Variants in HMGB1 observed in about 807,000 individuals in gnomAD.
HMGB1 encodes the protein high mobility group box 1, also known as high mobility group protein B1.
For missense variants in HMGB1, 79 were observed against 253.5 expected (o/e 0.31, Z 4.67); for synonymous variants, 81 against 84.0 (o/e 0.96, Z 0.19).
At chr13:30,535,023 G>A (rs1276066370) in intron 1 of HMGB1, among the ~76,000 whole-genome samples, 1 of 152,196 alleles carries the variant, frequency 6.6e-6, no homozygotes, top group Non-Finnish European at 1.5e-5. Flanking sequence ...GATGCTAAGA[G>A]GCAAGAGATG....
intron 1 of HMGB1, among the ~76,000 whole-genome samples, chr13:30,530,043 TA>T (rs1242467198): frequency 6.6e-6 from 1 of 152,174 alleles, no homozygotes; most frequent in East Asian, 1.9e-4. Context: ...TTATTTCACA[TA>T]CTGAATTACC....
At chr13:30,504,078 A>G (rs528101906) in intron 1 of HMGB1, among the ~76,000 whole-genome samples, 1 of 152,116 alleles carries the variant, frequency 6.6e-6, no homozygotes, top group South Asian at 2.1e-4. Flanking sequence ...TTTGAGATAC[A>G]AGGTGGGAGA....
intron 1 of HMGB1, chr13:30,464,630 G>C (rs1405120867): frequency 2.0e-6 from 2 of 983,892 alleles, no homozygotes; most frequent in African/African-American, 3.5e-5. Flanking sequence ...GAGAAGCCCC[G>C]CTCGAAATGG....
chr13:30,586,337 T>C (rs1018031946), intron 1 of HMGB1, among the ~76,000 whole-genome samples: 6 of 152,206 alleles, frequency 3.9e-5, no homozygotes, highest in Non-Finnish European at 8.8e-5. Flanking sequence ...CTTCTCCTTA[T>C]CTGACCTCTA....
rs756389867 is a variant in HMGB1 at position 30,524,337 on chromosome 13, TAA to T, written c.-14-60645_-14-60644del. Among the ~76,000 whole-genome samples the T allele has an allele frequency of 8.1e-3, 383 of 47,406 alleles. 3 individuals carry two copies. The highest frequency in any genetic ancestry group is 0.017 in the South Asian group (32 of 1,928). The allele number at this position is 47,406 out of a possible 152,430, so 31.1% of individuals were successfully genotyped here. ...ATGTATCCCAGAGCTTAAAGTATAT[TAA>T]AAAAAAAAAAAAAAAAAAGAAAAAA... On this transcript the variant is annotated intron_variant, in intron 1 of 4. Transcript: ENST00000405805.
intron 1 of HMGB1, among the ~76,000 whole-genome samples, chr13:30,527,695 T>C (rs1322890054): frequency 6.6e-6 from 1 of 152,150 alleles, no homozygotes; most frequent in East Asian, 1.9e-4. Context: ...CCCAGCCCTA[T>C]GCTGTGCTGA....
At chr13:30,465,525 A>G (rs1886730490) in intron 1 of HMGB1, among the ~76,000 whole-genome samples, 1 of 149,810 alleles carries the variant, frequency 6.7e-6, no homozygotes, top group South Asian at 2.1e-4. Flanking sequence ...TTTTTGCGCC[A>G]GTCAGCGCGG....
rs1217755175 is a variant in HMGB1, at chr13:30,539,101, T to C, written c.-14-75407A>G. The stretch of plus-strand genomic sequence containing the variant: ...TAGTAGAGATGCGGTTTCACCATGT[T>C]GGCCTGGATGGTCTCCAATTCCTGA... On this transcript the variant is annotated intron_variant, in intron 1 of 4. Coordinates refer to the HMGB1 transcript ENST00000405805. Among the ~76,000 whole-genome samples the C allele has an allele frequency of 2.0e-5, 3 of 152,162 alleles. No homozygotes were observed. In the South Asian group the frequency reaches 6.2e-4, roughly 32 times the overall value.
At chr13:30,507,734 T>C (rs997518419) in intron 1 of HMGB1, among the ~76,000 whole-genome samples, 3 of 152,126 alleles carry the variant, frequency 2.0e-5, no homozygotes, top group Non-Finnish European at 4.4e-5. Context: ...AGAGCCAGAG[T>C]TGGAATCCCA....
At chr13:30,581,785 C>T (rs1368144450) in intron 1 of HMGB1, among the ~76,000 whole-genome samples, 1 of 152,144 alleles carries the variant, frequency 6.6e-6, no homozygotes, top group Non-Finnish European at 1.5e-5. Context: ...AGTTTTGAGT[C>T]CATTTCCCCT....
At chr13:30,520,120 GA>G (rs1888203615) in intron 1 of HMGB1, among the ~76,000 whole-genome samples, 3 of 152,140 alleles carry the variant, frequency 2.0e-5, no homozygotes, top group Non-Finnish European at 4.4e-5. Flanking sequence ...TCAGGAGTTC[GA>G]GACCAGCCTG....
At chr13:30,598,958 TTGTGTGTGTA>T (rs895266692) in intron 1 of HMGB1, among the ~76,000 whole-genome samples, 10 of 152,042 alleles carry the variant, frequency 6.6e-5, no homozygotes, top group African/African-American at 1.7e-4. Context: ...ATATAATATA[TTGTGTGTGTA>T]TGTGTGTGTA....
intron 1 of HMGB1, among the ~76,000 whole-genome samples, chr13:30,613,650 T>TA (rs1566041163): frequency 1.3e-5 from 2 of 152,226 alleles, no homozygotes; most frequent in East Asian, 3.8e-4. Context: ...ATTATGTATG[T>TA]ACATACATGC....
At chr13:30,464,596 C>T in intron 1 of HMGB1, 1 of 984,362 alleles carries the variant, frequency 1.0e-6, no homozygotes, top group Non-Finnish European at 1.2e-6. Context: ...GCCGCCGCCC[C>T]CATTTTGTCA....
At chr13:30,538,420 CCT>C (rs371623593) in intron 1 of HMGB1, among the ~76,000 whole-genome samples, 103 of 151,948 alleles carry the variant, frequency 6.8e-4, no homozygotes, top group African/African-American at 2.3e-3. Flanking sequence ...GTTAAATCAC[CCT>C]GACACCACTG....
At chr13:30,553,703 G>A (rs982019238) in intron 1 of HMGB1, 2 of 990,194 alleles carry the variant, frequency 2.0e-6, no homozygotes, top group African/African-American at 3.2e-5. Flanking sequence ...AGTTCAAGGA[G>A]TTGGATGCTC....
intron 1 of HMGB1, among the ~76,000 whole-genome samples, chr13:30,489,321 C>T (rs1368290148): frequency 2.0e-5 from 3 of 152,030 alleles, no homozygotes; most frequent in African/African-American, 4.8e-5. Context: ...TATAGTGAGA[C>T]CCCCATCTCA....
chr13:30,495,621 G>T (rs1172911963), intron 1 of HMGB1, among the ~76,000 whole-genome samples: 2 of 152,000 alleles, frequency 1.3e-5, no homozygotes, highest in Non-Finnish European at 2.9e-5. Context: ...TGGGACTACA[G>T]GCGCGTGCCG....
intron 1 of HMGB1, among the ~76,000 whole-genome samples, chr13:30,568,197 G>GTT (rs1188366639): frequency 2.6e-5 from 4 of 151,978 alleles, no homozygotes; most frequent in Non-Finnish European, 5.9e-5. Context: ...CCTGGAAACT[G>GTT]TGGATGTAAC....
Sources: gnomAD v4.1 joint callset for allele counts (sites outside exome capture counted in the v4.1 genomes callset) on GRCh38, gnomAD v4.1.1 for gene constraint, MANE v1.5 for transcripts, NCBI Gene and HGNC (gene_info 2026-07-23, HGNC 2026-07-21) for gene names.